ACVR1: variants seen among roughly 807,000 people sequenced by gnomAD.
ACVR1 encodes the protein activin receptor type-1.
In ACVR1, 38 loss-of-function variants were observed where a neutral mutation model predicts 57.1. The ratio of observed to expected loss-of-function variants is 0.67; its 90% CI spans 0.51 to 0.87. ACVR1 has a LOEUF of 0.87. Among genes scored for constraint, ACVR1 ranks in the 40% least tolerant of loss-of-function variants. ACVR1 has a pLI of 0.00. For missense variants in ACVR1, 463 were observed against 638.2 expected, an observed-to-expected ratio of 0.73 and a Z score of 2.96; for synonymous variants, 212 against 228.1, an observed-to-expected ratio of 0.93 and a Z score of 0.63.
intron 1 of ACVR1, among the ~76,000 whole-genome samples, chr2:157,843,807 A>G (rs1238890617): frequency 6.6e-6 from 1 of 152,202 alleles, no homozygotes; most frequent in Non-Finnish European, 1.5e-5. Context: ...CTCTAAATGA[A>G]GATAACCATT....
In ACVR1 at chr2:157,830,733, C is replaced by CA. The variant is rs10711957; in HGVS notation, c.-182-12175dup. ...TAAGAAGGGAGATGCTTTGTTTCAC[C>CA]AAAAAAAAAAAAAAAAAATGTAATT... On this transcript the variant is annotated intron_variant, in intron 1 of 10. Transcript: ENST00000434821. 8.7e-3 allele frequency among the ~76,000 whole-genome samples: 1,188 copies of CA among 136,706 alleles called. 16 individuals carry two copies. The highest frequency in any genetic ancestry group is 0.029 in the African/African-American group (1,056 of 36,580). 89.7% of individuals were successfully genotyped at this position (136,706 alleles called of 152,430 possible). A position where few individuals can be genotyped will look rare whatever the true frequency, so the allele number is the denominator to read the frequency against.
At chr2:157,807,856 G>GGA (rs1260906330) in intron 2 of ACVR1, among the ~76,000 whole-genome samples, 3 of 103,242 alleles carry the variant, frequency 2.9e-5, no homozygotes, top group Admixed American at 1.1e-4. Context: ...TAATAATTTG[G>GGA]GGGGGGGGGT....
chr2:157,822,817 AACCGAAAATATTTACT>A (rs1688206738), intron 1 of ACVR1, among the ~76,000 whole-genome samples: 1 of 152,178 alleles, frequency 6.6e-6, no homozygotes, highest in Non-Finnish European at 1.5e-5. Context: ...TGGCTTGCAA[AACCGAAAATATTTACT>A]ACCTGGCCCT....
intron 1 of ACVR1, among the ~76,000 whole-genome samples, chr2:157,821,754 G>A (rs181278372): frequency 5.9e-5 from 9 of 152,274 alleles, no homozygotes; most frequent in African/African-American, 2.2e-4. Flanking sequence ...GTGGTTGGAG[G>A]ATGGCCATGA....
chr2:157,781,854 GT>G (rs1249812275), intron 3 of ACVR1, among the ~76,000 whole-genome samples: 1 of 152,216 alleles, frequency 6.6e-6, no homozygotes, highest in Non-Finnish European at 1.5e-5. Flanking sequence ...AAACAGCCAA[GT>G]CCTAGAGGCC....
intron 2 of ACVR1, among the ~76,000 whole-genome samples, chr2:157,803,877 T>G (rs1687417581): frequency 6.6e-6 from 1 of 152,020 alleles, no homozygotes; most frequent in Non-Finnish European, 1.5e-5. Flanking sequence ...AAATATTATA[T>G]TCATAATAAA....
At position 157,739,226 on chromosome 2, in the gene ACVR1, TA is replaced by T. The variant is rs1684653944; in HGVS notation, c.1265-657del. Among the ~76,000 whole-genome samples the T allele has an allele frequency of 2.6e-5, 4 of 152,292 alleles. No individual in the cohort carries two copies. In the South Asian group the frequency reaches 8.3e-4, roughly 32 times the overall value. On this transcript the variant is annotated intron_variant, in intron 9 of 10. Coordinates refer to ENST00000434821, the MANE Select transcript of ACVR1 (RefSeq NM_001111067.4). ...TCTGACTGATGGCTCTATTATTTAC[TA>T]TCATATTGAAGGCACAAAATAAAAT... is the stretch of plus-strand genomic sequence containing the variant.
In ACVR1 at chr2:157,743,610, C is replaced by T. The variant is rs115270322; in HGVS notation, c.1265-5040G>A. On this transcript the variant is annotated intron_variant, in intron 9 of 10. Transcript: ENST00000434821. ...CATTTTATAAAGGTAATAGCATACC[C>T]TATATTTTATGTAACATCCCCAGCA... 7.0e-3 allele frequency among the ~76,000 whole-genome samples: 1,056 copies of T among 151,732 alleles called. 14 individuals carry two copies. The highest frequency in any genetic ancestry group is 0.024 in the African/African-American group (982 of 41,338).
At chr2:157,773,446 T>C (rs1686147309) in intron 6 of ACVR1, among the ~76,000 whole-genome samples, 1 of 152,234 alleles carries the variant, frequency 6.6e-6, no homozygotes, top group East Asian at 1.9e-4. Context: ...TTCCACGGAC[T>C]GCTACATAAT....
At chr2:157,761,687 T>C (rs78582919) in intron 8 of ACVR1, among the ~76,000 whole-genome samples, 2,832 of 152,278 alleles carry the variant, frequency 0.019, 79 homozygotes, top group African/African-American at 0.062. Context: ...ACTCTCAGGT[T>C]AAATGGCTTT....
intron 9 of ACVR1, among the ~76,000 whole-genome samples, chr2:157,738,896 A>G (rs555437987): frequency 6.6e-6 from 1 of 152,366 alleles, no homozygotes; most frequent in East Asian, 1.9e-4. Context: ...CACTGGAGAC[A>G]TAGAACAAAA....
chr2:157,798,210 GTA>G (rs1176240465), intron 3 of ACVR1, among the ~76,000 whole-genome samples: 1 of 151,100 alleles, frequency 6.6e-6, no homozygotes, highest in Non-Finnish European at 1.5e-5. Context: ...AAAACACAAA[GTA>G]TGTATGTCTT....
chr2:157,766,167 G>T lies in ACVR1; in HGVS notation c.820C>A (p.His274Asn). The T allele has an allele frequency of 6.2e-7, 1 of 1,614,088 alleles. No homozygotes were observed. The part of the protein sequence containing the change: ...GFIASDMTSR[H>N]SSTQLWLITH... ...ATTAACCACAGCTGGGTACTGGAGT[G>T]TCTTGATGTCATGTCTGAAGCAATG... The change falls in exon 8 of 11, where the codon CAC (histidine) becomes AAC (asparagine). Residue 274 changes from histidine (H) to asparagine (N), a missense_variant. Coordinates refer to ENST00000434821, the MANE Select transcript of ACVR1 (RefSeq NM_001111067.4).
chr2:157,764,076 A>G (rs1308554784), intron 8 of ACVR1, among the ~76,000 whole-genome samples: 2 of 152,140 alleles, frequency 1.3e-5, no homozygotes, highest in Admixed American at 1.3e-4. Flanking sequence ...CAGAAGCTAC[A>G]ACTTGAATCC....
chr2:157,831,785 C>T (rs1177821161), intron 1 of ACVR1, among the ~76,000 whole-genome samples: 1 of 152,118 alleles, frequency 6.6e-6, no homozygotes, highest in Non-Finnish European at 1.5e-5. Context: ...ATAATGTTAG[C>T]TTTAAAATTA....
Position 157,780,609 on chromosome 2 carries a change from G to A in ACVR1, c.68-9C>T, listed in dbSNP as rs1316720258. 6.2e-7 allele frequency: 1 copy of A among 1,610,656 alleles called. No individual in the cohort carries two copies. Among genetic ancestry groups the A allele is most frequent in the South Asian group, 1.1e-5 (1 of 90,496 alleles). On this transcript the variant is annotated splice_polypyrimidine_tract_variant and intron_variant, in intron 3 of 10. Transcript: ENST00000434821. ...GACCTTGGGCTTCTCATCTGCAAAGGAGAGAAAGGAAGGGGAAAAAAAAAA... is the reference window on the plus strand; with the variant it reads ...GACCTTGGGCTTCTCATCTGCAAAGAAGAGAAAGGAAGGGGAAAAAAAAAA...
chr2:157,796,379 CTG>C (rs1307160819), intron 3 of ACVR1, among the ~76,000 whole-genome samples: 6 of 151,886 alleles, frequency 4.0e-5, no homozygotes, highest in Admixed American at 6.6e-5. Flanking sequence ...CGGCAAAACT[CTG>C]TCTCTACTAA....
intron 2 of ACVR1, among the ~76,000 whole-genome samples, chr2:157,800,186 G>C (rs1369407525): frequency 6.6e-6 from 1 of 152,198 alleles, no homozygotes. Flanking sequence ...TGGGAGTTTG[G>C]TTAGTTGCAA....
chr2:157,761,290 T>G (rs1240718510), intron 8 of ACVR1, among the ~76,000 whole-genome samples: 1 of 152,150 alleles, frequency 6.6e-6, no homozygotes, highest in Non-Finnish European at 1.5e-5. Context: ...TCTAAGGCTA[T>G]CAGGTTAATA....
Sources: gnomAD v4.1 joint callset for allele counts (sites outside exome capture counted in the v4.1 genomes callset) on GRCh38, gnomAD v4.1.1 for gene constraint, MANE v1.5 for transcripts, NCBI Gene and HGNC (gene_info 2026-07-23, HGNC 2026-07-21) for gene names.